Variants in PDIA5 observed in about 807,000 individuals in gnomAD.
The protein encoded by PDIA5 is protein disulfide-isomerase A5.
A neutral mutation model predicts 77.6 loss-of-function variants in PDIA5; 58 were observed. That is an observed-to-expected ratio of 0.75 (90% CI 0.61 to 0.93). The LOEUF is 0.93. Ranked by LOEUF, PDIA5 falls within the 40% of genes least tolerant of loss-of-function variation. The pLI is 0.00. For missense variants in PDIA5, 630 were observed against 647.7 expected (o/e 0.97, Z 0.30); for synonymous variants, 250 against 252.1 (o/e 0.99, Z 0.08).
At chr3:123,156,350 C>T (rs1576468361) in intron 15 of PDIA5, among the ~76,000 whole-genome samples, 1 of 152,224 alleles carries the variant, frequency 6.6e-6, no homozygotes, top group Admixed American at 6.5e-5. Context: ...GCACCCCTCA[C>T]CCCCACCAGA....
At chr3:123,121,745 C>A (rs1935127499) in intron 8 of PDIA5, among the ~76,000 whole-genome samples, 1 of 152,222 alleles carries the variant, frequency 6.6e-6, no homozygotes, top group Non-Finnish European at 1.5e-5. Flanking sequence ...AGAAATAGAG[C>A]ACCTCCTAGT....
chr3:123,139,239 C>T (rs1935569220), intron 11 of PDIA5, among the ~76,000 whole-genome samples: 1 of 152,220 alleles, frequency 6.6e-6, no homozygotes, highest in Non-Finnish European at 1.5e-5. Flanking sequence ...TGTAACCCTC[C>T]TCCTCCAACT....
intron 11 of PDIA5, among the ~76,000 whole-genome samples, chr3:123,137,854 A>G (rs1415669047): frequency 6.6e-6 from 1 of 152,214 alleles, no homozygotes; most frequent in Non-Finnish European, 1.5e-5. Context: ...CCCTTAGGAT[A>G]TTAAAATAGT....
intron 7 of PDIA5, among the ~76,000 whole-genome samples, chr3:123,112,658 A>G (rs1177123921): frequency 6.7e-6 from 1 of 149,888 alleles, no homozygotes; most frequent in East Asian, 2.0e-4. Flanking sequence ...AAATGGTTCA[A>G]ATGATTCTCC....
At chr3:123,100,126 G>A (rs1345546743) in intron 3 of PDIA5, among the ~76,000 whole-genome samples, 1 of 152,212 alleles carries the variant, frequency 6.6e-6, no homozygotes, top group Non-Finnish European at 1.5e-5. Context: ...GTGGAGCATA[G>A]CAGAACAAAG....
intron 5 of PDIA5, among the ~76,000 whole-genome samples, chr3:123,103,784 C>T (rs1934661429): frequency 6.6e-6 from 1 of 152,224 alleles, no homozygotes. Context: ...GAAAGTTCTT[C>T]CAACTAGAGT....
rs797012432 is a variant in PDIA5, at chr3:123,071,219, G to A, written c.42+4013G>A. ...TTCTCCTTTTATAGGAGAATAGCGA[G>A]GCTTAGGGAGGGAAGGGACTCACTC... On this transcript the variant is annotated intron_variant, in intron 1 of 16. Transcript: ENST00000316218. Among the ~76,000 whole-genome samples, 4 of 152,014 alleles carry A rather than the reference G, an allele frequency of 2.6e-5. No homozygotes were observed. The East Asian group carries it at 5.8e-4, about 22-fold the overall frequency.
At chr3:123,161,691 G>T (rs973015372) in intron 16 of PDIA5, 189 bp from the exon 17 acceptor site, 14 of 654,122 alleles carry the variant, frequency 2.1e-5, no homozygotes, top group South Asian at 1.7e-4. Flanking sequence ...CAGATGCCGA[G>T]GGTTTTCTCA....
In PDIA5 at chr3:123,150,233, G is replaced by A. The variant is rs777137815; in HGVS notation, c.1143-1G>A. On this transcript the variant is annotated splice_acceptor_variant, in intron 13 of 16. Coordinates refer to ENST00000316218, the MANE Select transcript of PDIA5 (RefSeq NM_006810.4). LOFTEE classifies it high-confidence loss of function. Reference sequence around the variant, plus strand: ...CTCCCCACTCCCCTGGCTTCTTGCAGCCCTGAGGCCCCCCCGCCCCCAGAG... The same window carrying A: ...CTCCCCACTCCCCTGGCTTCTTGCAACCCTGAGGCCCCCCCGCCCCCAGAG... 2.5e-6 allele frequency: 4 copies of A among 1,610,880 alleles called. No homozygotes were observed. In the Admixed American group the frequency reaches 6.7e-5, roughly 27 times the overall value.
chr3:123,078,571 T>A lies in PDIA5; in HGVS notation c.43-10597T>A, dbSNP rs1447618632. On this transcript the variant is annotated intron_variant, in intron 1 of 16. Coordinates refer to ENST00000316218, the MANE Select transcript of PDIA5 (RefSeq NM_006810.4). Reference sequence around the variant, plus strand: ...TTTTATCATACTCTTCCTCTACATATATGAAGTTTATATATGATGTTCCTT... The same window carrying A: ...TTTTATCATACTCTTCCTCTACATAAATGAAGTTTATATATGATGTTCCTT... Among the ~76,000 whole-genome samples the A allele has an allele frequency of 2.6e-5, 4 of 152,324 alleles. No individual in the cohort carries two copies. The South Asian group carries it at 8.3e-4, about 32-fold the overall frequency.
Position 123,161,932 on chromosome 3 carries a change from G to A in PDIA5, c.1532G>A (p.Arg511Lys), listed in dbSNP as rs1245050871. 1.9e-6 allele frequency: 3 copies of A among 1,604,410 alleles called. No individual in the cohort carries two copies. The South Asian group carries it at 3.3e-5, about 18-fold the overall frequency. The part of the protein sequence containing the change: ...IRALREGDHE[R>K]LGKKKEEL ...GCCCTCCGGGAGGGAGACCATGAAA[G>A]ACTAGGGAAAAAGAAGGAAGAGTTA... The change falls in exon 17 of 17, where the codon AGA (arginine) becomes AAA (lysine). Residue 511 changes from arginine to lysine, a missense_variant. Coordinates refer to ENST00000316218, the MANE Select transcript of PDIA5 (RefSeq NM_006810.4).
chr3:123,105,206 C>T (rs551862082), intron 5 of PDIA5, among the ~76,000 whole-genome samples: 36 of 152,322 alleles, frequency 2.4e-4, no homozygotes, highest in Non-Finnish European at 3.7e-4. Flanking sequence ...TCCCTGAAAG[C>T]GTGTGTGCAT....
rs546767425 is a variant in PDIA5, at chr3:123,103,018, T to G, written c.387+222T>G. ...CCAGCTTTGGAAATAGGTTTGTGAA[T>G]GTATCAGCAGTTGTCCAGTAAGGCA... On this transcript the variant is annotated intron_variant, in intron 5 of 16. Coordinates refer to ENST00000316218, the MANE Select transcript of PDIA5 (RefSeq NM_006810.4). Among the ~76,000 whole-genome samples, 7 of 152,390 alleles carry G rather than the reference T, an allele frequency of 4.6e-5. No homozygotes were observed. The South Asian group carries it at 1.5e-3, about 32-fold the overall frequency.
chr3:123,145,517 C>A lies in PDIA5; in HGVS notation c.911-5C>A. The stretch of plus-strand genomic sequence containing the variant: ...AGAATGGTTTCTCTTGATCTCTCCC[C>A]ACAGGGTGTGGCCACTGTAAGAAAA... On this transcript the variant is annotated splice_polypyrimidine_tract_variant and splice_region_variant and intron_variant, in intron 11 of 16. Transcript: ENST00000316218. 1 of 1,613,270 alleles carries A rather than the reference C, an allele frequency of 6.2e-7. No individual in the cohort carries two copies. The highest frequency in any genetic ancestry group is 8.5e-7 in the Non-Finnish European group (1 of 1,179,184).
chr3:123,090,588 C>G (rs1401412711), intron 2 of PDIA5, among the ~76,000 whole-genome samples: 1 of 152,158 alleles, frequency 6.6e-6, no homozygotes, highest in Non-Finnish European at 1.5e-5. Flanking sequence ...GGGAGCTGGT[C>G]CCCTATGCCC....
intron 10 of PDIA5, among the ~76,000 whole-genome samples, chr3:123,129,425 G>A (rs1220395498): frequency 6.6e-6 from 1 of 152,218 alleles, no homozygotes; most frequent in Non-Finnish European, 1.5e-5. Context: ...GGCTGCGGAG[G>A]GAAGTGGGTG....
intron 3 of PDIA5, among the ~76,000 whole-genome samples, chr3:123,096,790 G>C (rs1361864793): frequency 2.0e-5 from 3 of 152,174 alleles, no homozygotes; most frequent in Non-Finnish European, 4.4e-5. Flanking sequence ...ATGGTTGTCC[G>C]GCTGTTAAGC....
chr3:123,111,286 C>A (rs1386357722), intron 7 of PDIA5, among the ~76,000 whole-genome samples: 1 of 152,240 alleles, frequency 6.6e-6, no homozygotes. Flanking sequence ...CACCTTCCCC[C>A]ACCATGTCCC....
chr3:123,152,331 T>C (rs1935933352), intron 14 of PDIA5, among the ~76,000 whole-genome samples: 1 of 152,120 alleles, frequency 6.6e-6, no homozygotes, highest in Non-Finnish European at 1.5e-5. Context: ...ACACAATCCA[T>C]CCAGGGCAGG....
Sources: allele counts gnomAD v4.1 joint callset (sites outside exome capture counted in the v4.1 genomes callset), GRCh38; gene constraint gnomAD v4.1.1; transcripts MANE v1.5; gene names NCBI Gene and HGNC (gene_info 2026-07-23, HGNC 2026-07-21).